The following GRIK2 variants were observed in gnomAD, a reference collection of about 807,000 sequenced individuals.
GRIK2 encodes the protein glutamate receptor ionotropic, kainate 2.
A neutral mutation model predicts 100.3 loss-of-function variants in GRIK2; 32 were observed. That is an observed-to-expected ratio of 0.32 (90% CI 0.24 to 0.43). GRIK2 has a LOEUF of 0.43. GRIK2 is among the 20% of genes least tolerant of loss of function. The probability of loss-of-function intolerance (pLI) is 1.00; values close to 1 mark genes in which losing one functional copy is unlikely to be tolerated. For missense variants in GRIK2, 843 were observed against 1,114.9 expected (o/e 0.76, Z 3.47); for synonymous variants, 417 against 389.4 (o/e 1.07, Z -0.83).
chr6:101,827,487 C>A (rs562512149), intron 10 of GRIK2, among the ~76,000 whole-genome samples: 20 of 145,098 alleles, frequency 1.4e-4, no homozygotes, highest in Admixed American at 6.9e-4. Flanking sequence ...CAAAACAAAA[C>A]AAAAAAAAAC....
chr6:101,663,437 C>A (rs1769783511), intron 4 of GRIK2, among the ~76,000 whole-genome samples: 1 of 152,106 alleles, frequency 6.6e-6, no homozygotes, highest in Non-Finnish European at 1.5e-5. Flanking sequence ...CAGAATTGAA[C>A]AATGAAGTGT....
chr6:101,681,787 G>A (rs1013008170), intron 5 of GRIK2, among the ~76,000 whole-genome samples: 6 of 152,194 alleles, frequency 3.9e-5, no homozygotes, highest in South Asian at 2.1e-4. Flanking sequence ...TTCCTACTAA[G>A]AACTCTTCAT....
intron 7 of GRIK2, among the ~76,000 whole-genome samples, chr6:101,737,288 T>G (rs1305111604): frequency 6.6e-6 from 1 of 152,178 alleles, no homozygotes; most frequent in South Asian, 2.1e-4. Flanking sequence ...CCCACTCTAC[T>G]AGTTCCAATT....
intron 5 of GRIK2, among the ~76,000 whole-genome samples, chr6:101,680,621 T>C (rs993821121): frequency 1.3e-5 from 2 of 152,216 alleles, no homozygotes; most frequent in African/African-American, 4.8e-5. Context: ...TTTTTAGTTA[T>C]ACATCTGAAT....
intron 14 of GRIK2, among the ~76,000 whole-genome samples, chr6:102,030,553 A>T (rs1399972298): frequency 6.6e-6 from 1 of 151,190 alleles, no homozygotes; most frequent in African/African-American, 2.4e-5. Flanking sequence ...CTGTTGCCAT[A>T]TCCAAAGGAA....
Position 101,437,729 on chromosome 6 carries a change from A to T in GRIK2, c.115+38337A>T, listed in dbSNP as rs146958944. On this transcript the variant is annotated intron_variant, in intron 2 of 16. Coordinates refer to ENST00000369134, the MANE Select transcript of GRIK2 (RefSeq NM_021956.5). ...CCAGCTTGCCAGCTTGTCAGCTATC[A>T]TCATTCCTCTGAGCTTCAGATCCTC... Among the ~76,000 whole-genome samples, 1,335 of 152,220 alleles carry T rather than the reference A, an allele frequency of 8.8e-3. 36 individuals carry two copies. Among genetic ancestry groups the T allele is most frequent in the African/African-American group, 0.031 (1,288 of 41,574 alleles).
chr6:101,951,288 G>C (rs1791589876), intron 14 of GRIK2, among the ~76,000 whole-genome samples: 1 of 152,110 alleles, frequency 6.6e-6, no homozygotes, highest in South Asian at 2.1e-4. Flanking sequence ...ATGGATAAAA[G>C]GTATTTAAGA....
intron 12 of GRIK2, among the ~76,000 whole-genome samples, chr6:101,918,587 C>T (rs1789271932): frequency 6.6e-6 from 1 of 151,678 alleles, no homozygotes; most frequent in Admixed American, 6.6e-5. Context: ...TTGAAAACGG[C>T]TTTGCACATA....
At position 101,553,477 on chromosome 6, in the gene GRIK2, T is replaced by G. The variant is rs186978654; in HGVS notation, c.116-68472T>G. Among the ~76,000 whole-genome samples, 213 of 152,342 alleles carry G rather than the reference T, an allele frequency of 1.4e-3. 1 individual carries two copies. Among genetic ancestry groups the G allele is most frequent in the African/African-American group, 4.6e-3 (193 of 41,586 alleles). On this transcript the variant is annotated intron_variant, in intron 2 of 16. Coordinates refer to ENST00000369134, the MANE Select transcript of GRIK2 (RefSeq NM_021956.5). ...TTTACATTTTCTGGTAGCTAGTATA[T>G]GTTCAGTAGATATCTAATGAATGAT...
Position 101,626,567 on chromosome 6 carries a change from C to A in GRIK2, c.471C>A (p.Ser157Arg). 6.2e-7 allele frequency: 1 copy of A among 1,613,716 alleles called. No individual in the cohort carries two copies. Among genetic ancestry groups the A allele is most frequent in the Non-Finnish European group, 8.5e-7 (1 of 1,179,674 alleles). The change falls in exon 4 of 17, where the codon AGC becomes AGA. Residue 157 changes from serine (S) to arginine (R), a missense_variant. Physicochemically the swap from Ser to Arg is moderately radical, Grantham distance 110. Around this residue, in one of 3 missense-constraint regions of GRIK2, gnomAD observed 519 missense variants for 643.8 expected, o/e 0.81. Coordinates refer to ENST00000369134, the MANE Select transcript of GRIK2 (RefSeq NM_021956.5). The stretch of plus-strand genomic sequence containing the variant: ...TCTACCCAGACTTCTCTTCACTCAG[C>A]CGTGCCATTTTAGACCTGGTGCAGT... ...VSLYPDFSSL[S>R]RAILDLVQFF...
At chr6:101,622,183 T>A in intron 3 of GRIK2, 67 bp downstream of exon 3, 1 of 969,452 alleles carries the variant, frequency 1.0e-6, no homozygotes. Flanking sequence ...TTAAGAGATT[T>A]TTTTATTTTT....
intron 2 of GRIK2, among the ~76,000 whole-genome samples, chr6:101,486,729 A>G (rs115493029): frequency 0.013 from 1,862 of 148,368 alleles, 250 homozygotes; most frequent in African/African-American, 0.038. Context: ...ATAATCAAGA[A>G]TAGTTTAGGC....
chr6:101,903,783 G>GC (rs1427384285), intron 12 of GRIK2, among the ~76,000 whole-genome samples: 6 of 23,338 alleles, frequency 2.6e-4, no homozygotes, highest in Non-Finnish European at 5.9e-4. Context: ...AGAAGTTGGA[G>GC]CAAAAAAAAA....
intron 5 of GRIK2, among the ~76,000 whole-genome samples, chr6:101,677,372 C>T (rs548413508): frequency 6.6e-6 from 1 of 152,180 alleles, no homozygotes; most frequent in South Asian, 2.1e-4. Context: ...ATGATGTTAA[C>T]AAGTATTCAT....
At chr6:101,556,848 C>CATTA (rs1259081551) in intron 2 of GRIK2, among the ~76,000 whole-genome samples, 2 of 152,154 alleles carry the variant, frequency 1.3e-5, no homozygotes, top group Non-Finnish European at 2.9e-5. Flanking sequence ...TGCTGTATTT[C>CATTA]AGAGACTTCT....
chr6:101,541,377 CA>C (rs143505288), intron 2 of GRIK2, among the ~76,000 whole-genome samples: 57,012 of 145,060 alleles, frequency 0.39, 12,107 homozygotes, highest in African/African-American at 0.55. Context: ...CGCACACAAC[CA>C]CACACACACA....
intron 2 of GRIK2, among the ~76,000 whole-genome samples, chr6:101,590,957 C>T (rs908193416): frequency 4.6e-5 from 7 of 151,934 alleles, no homozygotes; most frequent in African/African-American, 7.2e-5. Context: ...AGAAGTTGGT[C>T]GGAAGGCAGA....
At chr6:101,534,481 T>C (rs1218253510) in intron 2 of GRIK2, among the ~76,000 whole-genome samples, 1 of 151,882 alleles carries the variant, frequency 6.6e-6, no homozygotes, top group Non-Finnish European at 1.5e-5. Flanking sequence ...GCCCAAATGA[T>C]CTAAAGGAAC....
At chr6:102,018,036 T>A (rs1769212401) in intron 14 of GRIK2, among the ~76,000 whole-genome samples, 1 of 152,172 alleles carries the variant, frequency 6.6e-6, no homozygotes, top group Non-Finnish European at 1.5e-5. Flanking sequence ...TTCTGACAAT[T>A]GTTCAGTCTC....
Sources: allele counts gnomAD v4.1 joint callset (sites outside exome capture counted in the v4.1 genomes callset), GRCh38; gene constraint gnomAD v4.1.1; regional missense constraint gnomAD v4.1.1; transcripts MANE v1.5; gene names NCBI Gene and HGNC (gene_info 2026-07-23, HGNC 2026-07-21).